The following NLK variants were observed in gnomAD, a reference collection of about 807,000 sequenced individuals.
The protein encoded by NLK is nemo like kinase.
A neutral mutation model predicts 59.0 loss-of-function variants in NLK; 11 were observed. That is an observed-to-expected ratio of 0.19 (90% CI 0.12 to 0.31). NLK has a LOEUF of 0.31. NLK is among the 10% of genes least tolerant of loss of function. The pLI, the probability that NLK is intolerant of heterozygous loss-of-function variation, is 1.00. For synonymous variants in NLK, 235 were observed against 235.9 expected, an observed-to-expected ratio of 1.00 and a Z score of 0.03; for missense variants, 410 against 661.1, an observed-to-expected ratio of 0.62 and a Z score of 4.16.
chr17:28,167,463 A>T (rs1424213270), intron 5 of NLK, among the ~76,000 whole-genome samples: 1 of 148,694 alleles, frequency 6.7e-6, no homozygotes, highest in African/African-American at 2.5e-5. Context: ...CTGGTCTTAA[A>T]CTCCTGATCT....
chr17:28,169,484 C>T (rs545476060), intron 6 of NLK, among the ~76,000 whole-genome samples: 4 of 152,218 alleles, frequency 2.6e-5, no homozygotes, highest in African/African-American at 7.2e-5. Flanking sequence ...TCAGAGAATC[C>T]TTTAGAAGCC....
At chr17:28,061,097 C>T (rs1228556539) in intron 1 of NLK, among the ~76,000 whole-genome samples, 1 of 152,126 alleles carries the variant, frequency 6.6e-6, no homozygotes, top group Non-Finnish European at 1.5e-5. Flanking sequence ...AATCATAGCT[C>T]ACTGCAGCCT....
chr17:28,134,868 A>T (rs1261762411), intron 3 of NLK, among the ~76,000 whole-genome samples: 1 of 152,230 alleles, frequency 6.6e-6, no homozygotes, highest in Non-Finnish European at 1.5e-5. Context: ...GGGTAGAAGG[A>T]TTGAGAAAGT....
rs1233482695 is a variant in NLK, at chr17:28,140,755, A to T, written c.644+8080A>T. On this transcript the variant is annotated intron_variant, in intron 3 of 10. Transcript: ENST00000407008. ...TTAACCAAATTGTCTTATGGATAAA[A>T]AAAAAAAACCTGCCCTGGACTCCTT... 2.0e-5 allele frequency among the ~76,000 whole-genome samples: 3 copies of T among 151,926 alleles called. No homozygotes were observed. In the East Asian group the frequency reaches 5.8e-4, roughly 29 times the overall value.
At chr17:28,155,404 AT>A (rs1177981759) in intron 3 of NLK, among the ~76,000 whole-genome samples, 2 of 152,210 alleles carry the variant, frequency 1.3e-5, no homozygotes, top group Non-Finnish European at 2.9e-5. Flanking sequence ...TAGAAATACC[AT>A]TTGACCCAGC....
chr17:28,123,321 TG>T (rs1248157065), intron 2 of NLK, among the ~76,000 whole-genome samples: 3 of 152,182 alleles, frequency 2.0e-5, no homozygotes, highest in Non-Finnish European at 2.9e-5. Flanking sequence ...AGCATATATT[TG>T]TAGGGAAATA....
intron 1 of NLK, among the ~76,000 whole-genome samples, chr17:28,068,012 A>G (rs1909890933): frequency 6.6e-6 from 1 of 151,806 alleles, no homozygotes; most frequent in African/African-American, 2.4e-5. Context: ...ATGGTGGTGC[A>G]CGCCTGTAAT....
At chr17:28,170,385 A>G (rs1313656889) in intron 6 of NLK, among the ~76,000 whole-genome samples, 3 of 151,728 alleles carry the variant, frequency 2.0e-5, no homozygotes, top group Admixed American at 6.5e-5. Context: ...ACCAGACAGA[A>G]TTATTTCTTT....
At chr17:28,062,235 T>A (rs1909686729) in intron 1 of NLK, among the ~76,000 whole-genome samples, 1 of 152,162 alleles carries the variant, frequency 6.6e-6, no homozygotes, top group South Asian at 2.1e-4. Context: ...TCCATAGTCC[T>A]CATTTAGTGG....
At chr17:28,091,555 G>C (rs146200362) in intron 1 of NLK, among the ~76,000 whole-genome samples, 2,082 of 151,624 alleles carry the variant, frequency 0.014, 98 homozygotes, top group Admixed American at 0.095. Context: ...AGCTTCTGTT[G>C]CTTCACTTTA....
At chr17:28,080,199 C>A (rs562906582) in intron 1 of NLK, among the ~76,000 whole-genome samples, 11 of 150,936 alleles carry the variant, frequency 7.3e-5, no homozygotes, top group African/African-American at 2.5e-4. Flanking sequence ...TGTCTGTAAT[C>A]CTGGCACTTT....
the NLK span, among the ~76,000 whole-genome samples, chr17:28,205,652 A>T: frequency 0.2 from 29,945 of 152,020 alleles, 3,191 homozygotes; most frequent in Non-Finnish European, 0.23. Flanking sequence ...TTTTTATGGT[A>T]CTGTTGACCT....
intron 1 of NLK, among the ~76,000 whole-genome samples, chr17:28,085,585 C>T (rs369980095): frequency 6.6e-6 from 1 of 151,972 alleles, no homozygotes; most frequent in East Asian, 1.9e-4. Flanking sequence ...ACTAAAAATA[C>T]AAAAAGTAGC....
intron 2 of NLK, among the ~76,000 whole-genome samples, chr17:28,126,368 G>A (rs1567721382): frequency 6.6e-6 from 1 of 152,108 alleles, no homozygotes; most frequent in Non-Finnish European, 1.5e-5. Flanking sequence ...TCAGGTGACA[G>A]GCAAGTACCA....
rs779924213 is a variant in NLK, at chr17:28,185,145, CACTT to C, written c.1150-32_1150-29del. On this transcript the variant is annotated intron_variant, in intron 7 of 10. Transcript: ENST00000407008. ...TTCCATAGCTGTTTACACAAAGACT[CACTT>C]AAATATTTGAATTTTTAATTTTTTC... 5 of 1,297,374 alleles carry C rather than the reference CACTT, an allele frequency of 3.9e-6. No homozygotes were observed. In the South Asian group the frequency reaches 6.8e-5, roughly 18 times the overall value. The allele number at this position is 1,297,374 out of a possible 1,614,324, so 80.4% of individuals were successfully genotyped here.
At chr17:28,205,048 T>C in the NLK span, among the ~76,000 whole-genome samples, 1 of 152,200 alleles carries the variant, frequency 6.6e-6, no homozygotes, top group African/African-American at 2.4e-5. Flanking sequence ...CTCAGTCACC[T>C]GAAGAGATGG....
intron 2 of NLK, among the ~76,000 whole-genome samples, chr17:28,132,107 A>AT (rs1050937468): frequency 2.0e-5 from 3 of 151,846 alleles, no homozygotes; most frequent in African/African-American, 7.3e-5. Context: ...CCTTCTTTAC[A>AT]TTTTTCCTCC....
At chr17:28,155,607 A>G (rs925932359) in intron 3 of NLK, among the ~76,000 whole-genome samples, 1 of 152,212 alleles carries the variant, frequency 6.6e-6, no homozygotes, top group African/African-American at 2.4e-5. Context: ...GCCATAAAAA[A>G]GGATGAGTTC....
In NLK at chr17:28,124,118, A is replaced by G. The variant is rs555201937; in HGVS notation, c.588+1386A>G. Among the ~76,000 whole-genome samples, 151 of 152,316 alleles carry G rather than the reference A, an allele frequency of 9.9e-4. 2 individuals carry two copies. In the Middle Eastern group the frequency reaches 0.014, roughly 14 times the overall value. On this transcript the variant is annotated intron_variant, in intron 2 of 10. Coordinates refer to ENST00000407008, the MANE Select transcript of NLK (RefSeq NM_016231.5). ...GAAGCTCCTTGGTTTGACATATTTC[A>G]TTTTAATGATTATTCCTCTTGAAAT...
Sources: allele counts gnomAD v4.1 joint callset (sites outside exome capture counted in the v4.1 genomes callset), GRCh38; gene constraint gnomAD v4.1.1; transcripts MANE v1.5; gene names NCBI Gene and HGNC (gene_info 2026-07-23, HGNC 2026-07-21).